The following CNTN4 variants were observed in gnomAD, a reference collection of about 807,000 sequenced individuals.
CNTN4 encodes the protein contactin 4.
Under a neutral mutation model 122.5 loss-of-function variants are expected in CNTN4, and 77 were observed. The ratio of observed to expected loss-of-function variants is 0.63; its 90% CI spans 0.52 to 0.76. CNTN4 has a LOEUF of 0.76. CNTN4 is among the 30% of genes least tolerant of loss of function. CNTN4 has a pLI of 0.00. For synonymous variants in CNTN4, 512 were observed against 447.0 expected (o/e 1.15, Z -1.83); for missense variants, 1,256 against 1,259.1 (o/e 1.00, Z 0.04).
chr3:2,175,603 A>G (rs2036715614), intron 2 of CNTN4, among the ~76,000 whole-genome samples: 1 of 152,202 alleles, frequency 6.6e-6, no homozygotes, highest in Non-Finnish European at 1.5e-5. Flanking sequence ...CTTCAATGCC[A>G]TACAGAGGAT....
intron 2 of CNTN4, among the ~76,000 whole-genome samples, chr3:2,277,143 G>A (rs904870404): frequency 1.3e-5 from 2 of 152,088 alleles, no homozygotes; most frequent in African/African-American, 2.4e-5. Context: ...ATTTTCACCA[G>A]GTGAATTTTA....
At chr3:2,995,471 C>G (rs1695450779) in intron 14 of CNTN4, among the ~76,000 whole-genome samples, 1 of 152,180 alleles carries the variant, frequency 6.6e-6, no homozygotes, top group Non-Finnish European at 1.5e-5. Flanking sequence ...CTGACTCCAG[C>G]CTGCCCATCA....
chr3:2,494,520 G>A (rs1218947628), intron 3 of CNTN4, among the ~76,000 whole-genome samples: 1 of 152,098 alleles, frequency 6.6e-6, no homozygotes, highest in Non-Finnish European at 1.5e-5. Context: ...GAAGCTTCCA[G>A]GTAGCAAGCT....
intron 3 of CNTN4, among the ~76,000 whole-genome samples, chr3:2,460,624 C>A (rs1285289051): frequency 6.6e-6 from 1 of 152,162 alleles, no homozygotes; most frequent in Non-Finnish European, 1.5e-5. Context: ...ATGGTTTTCC[C>A]TATCTTAAGT....
chr3:2,466,970 CTTTT>C (rs60879017), intron 3 of CNTN4, among the ~76,000 whole-genome samples: 2 of 115,802 alleles, frequency 1.7e-5, no homozygotes, highest in Non-Finnish European at 3.4e-5. Context: ...TTCTTTCTTT[CTTTT>C]TTTTTTTTTT....
At chr3:2,946,277 G>T (rs1337015148) in intron 13 of CNTN4, among the ~76,000 whole-genome samples, 4 of 152,162 alleles carry the variant, frequency 2.6e-5, no homozygotes, top group Non-Finnish European at 5.9e-5. Context: ...CAGGCAAGGG[G>T]ATGCTTTGGA....
intron 4 of CNTN4, among the ~76,000 whole-genome samples, chr3:2,730,137 G>T (rs537595918): frequency 6.6e-6 from 1 of 152,132 alleles, no homozygotes; most frequent in South Asian, 2.1e-4. Flanking sequence ...GTGGGGGGTG[G>T]CAGTGGATTT....
At chr3:2,452,748 A>G (rs1271476202) in intron 3 of CNTN4, among the ~76,000 whole-genome samples, 1 of 152,158 alleles carries the variant, frequency 6.6e-6, no homozygotes, top group African/African-American at 2.4e-5. Flanking sequence ...TATGAGAGAC[A>G]GTGTCTTATT....
chr3:2,717,936 G>A (rs1351222290), intron 4 of CNTN4, among the ~76,000 whole-genome samples: 1 of 151,972 alleles, frequency 6.6e-6, no homozygotes, highest in East Asian at 1.9e-4. Context: ...ATCTTTTCAT[G>A]TGTTTATTGA....
intron 2 of CNTN4, among the ~76,000 whole-genome samples, chr3:2,246,885 T>A (rs761369143): frequency 6.6e-5 from 10 of 151,956 alleles, no homozygotes; most frequent in African/African-American, 1.2e-4. Context: ...GTAATGTGGC[T>A]GCGATTTGGA....
rs191917232 is a variant in CNTN4, at chr3:3,006,131, C to T, written c.1486+17659C>T. ...GACCTTGTGATCCGCCCGCCTCGGC[C>T]TCCCAAGGTGCTGGGATTACAGGCA... On this transcript the variant is annotated intron_variant, in intron 14 of 24. Transcript: ENST00000418658. Among the ~76,000 whole-genome samples the T allele has an allele frequency of 7.1e-3, 1,085 of 152,250 alleles. 5 individuals are homozygous for T. Among genetic ancestry groups the T allele is most frequent in the Middle Eastern group, 0.014 (4 of 292 alleles).
chr3:2,607,087 A>T lies in CNTN4; in HGVS notation c.55+35529A>T, dbSNP rs561783640. 7.2e-5 allele frequency among the ~76,000 whole-genome samples: 11 copies of T among 152,268 alleles called. No individual in the cohort carries two copies. The East Asian group carries it at 2.1e-3, about 29-fold the overall frequency. ...TACAGTGCTACTTCTCTTGTTGAGTATTTGATGGACTTGGTGACTGTTACA... is the reference window on the plus strand; with the variant it reads ...TACAGTGCTACTTCTCTTGTTGAGTTTTTGATGGACTTGGTGACTGTTACA... On this transcript the variant is annotated intron_variant, in intron 4 of 24. Coordinates refer to ENST00000418658, the MANE Select transcript of CNTN4 (RefSeq NM_175607.3).
At chr3:2,427,048 G>C (rs985931930) in intron 3 of CNTN4, among the ~76,000 whole-genome samples, 3 of 152,084 alleles carry the variant, frequency 2.0e-5, no homozygotes, top group Non-Finnish European at 4.4e-5. Context: ...TTTTTTTGAA[G>C]GGTTTTTTGT....
chr3:2,360,018 G>C (rs1357275890), intron 3 of CNTN4, among the ~76,000 whole-genome samples: 1 of 152,150 alleles, frequency 6.6e-6, no homozygotes, highest in African/African-American at 2.4e-5. Flanking sequence ...TACAGACTTA[G>C]AAGGAAAAAA....
At chr3:2,564,720 T>G (rs1169476987) in intron 3 of CNTN4, among the ~76,000 whole-genome samples, 1 of 152,084 alleles carries the variant, frequency 6.6e-6, no homozygotes, top group East Asian at 1.9e-4. Flanking sequence ...TACTTCCGTT[T>G]TTTGAAGAGG....
At chr3:2,538,669 A>G (rs2077909082) in intron 3 of CNTN4, among the ~76,000 whole-genome samples, 1 of 152,010 alleles carries the variant, frequency 6.6e-6, no homozygotes, top group Non-Finnish European at 1.5e-5. Context: ...GCTATTTTAT[A>G]TACTTATATT....
At chr3:3,001,060 A>G (rs1193826621) in intron 14 of CNTN4, among the ~76,000 whole-genome samples, 4 of 152,154 alleles carry the variant, frequency 2.6e-5, no homozygotes, top group Admixed American at 2.0e-4. Flanking sequence ...AAGGGGTTCA[A>G]TAAACAGTAC....
intron 3 of CNTN4, among the ~76,000 whole-genome samples, chr3:2,559,662 A>T (rs2078866281): frequency 6.6e-6 from 1 of 152,190 alleles, no homozygotes; most frequent in Admixed American, 6.5e-5. Flanking sequence ...AATGGAGGTG[A>T]GGCTCTCATA....
At chr3:2,563,166 G>A (rs774797181) in intron 3 of CNTN4, among the ~76,000 whole-genome samples, 1 of 152,158 alleles carries the variant, frequency 6.6e-6, no homozygotes, top group Non-Finnish European at 1.5e-5. Context: ...AAAGGTTTAT[G>A]AGCATTCTCA....
Sources: allele counts gnomAD v4.1 joint callset (sites outside exome capture counted in the v4.1 genomes callset), GRCh38; gene constraint gnomAD v4.1.1; transcripts MANE v1.5; gene names NCBI Gene and HGNC (gene_info 2026-07-23, HGNC 2026-07-21).